MLLT10: variants seen among roughly 807,000 people sequenced by gnomAD.
The protein encoded by MLLT10 is MLLT10 histone lysine methyltransferase DOT1L cofactor.
Under a neutral mutation model 129.1 loss-of-function variants are expected in MLLT10, and 30 were observed. The ratio of observed to expected loss-of-function variants is 0.23; its 90% CI spans 0.17 to 0.32. MLLT10 has a LOEUF of 0.32. Ranked by LOEUF, MLLT10 falls within the 10% of genes least tolerant of loss-of-function variation. The pLI is 1.00. For missense variants in MLLT10, 1,119 were observed against 1,268.3 expected (o/e 0.88, Z 1.79); for synonymous variants, 490 against 446.4 (o/e 1.10, Z -1.23).
chr10:21,605,478 C>T (rs1246071445), intron 5 of MLLT10, among the ~76,000 whole-genome samples: 4 of 152,028 alleles, frequency 2.6e-5, no homozygotes, highest in Non-Finnish European at 5.9e-5. Context: ...TAGGGTCTTG[C>T]TCTGTCACCC....
chr10:21,634,454 G>T (rs577920944), intron 8 of MLLT10, among the ~76,000 whole-genome samples: 1 of 152,292 alleles, frequency 6.6e-6, no homozygotes, highest in East Asian at 1.9e-4. Context: ...CCCATCATCC[G>T]TGATACTAAA....
In MLLT10 at chr10:21,556,952, G is replaced by A. The variant is rs114159623; in HGVS notation, c.240+18040G>A. On this transcript the variant is annotated intron_variant, in intron 3 of 22. Transcript: ENST00000307729. ...GAAGGAGAGGTGGTAGTGTTTAAGT[G>A]GAATTAACTACTTGTGTTTCTGATG... The A allele has an allele frequency of 6.0e-4, 924 of 1,540,050 alleles. 7 individuals are homozygous for A. The African/African-American group carries it at 0.011, about 18-fold the overall frequency.
At chr10:21,712,495 G>A (rs2056197793) in intron 13 of MLLT10, among the ~76,000 whole-genome samples, 1 of 152,158 alleles carries the variant, frequency 6.6e-6, no homozygotes, top group Non-Finnish European at 1.5e-5. Context: ...TTGTCCTCTA[G>A]GGCTACAGTT....
At chr10:21,624,529 A>G (rs1406763274) in intron 8 of MLLT10, 4 of 1,043,218 alleles carry the variant, frequency 3.8e-6, no homozygotes, top group Non-Finnish European at 5.3e-6. Flanking sequence ...ATTTTTTTTG[A>G]AGAATGTAGA....
At chr10:21,590,853 A>G (rs774368376) in intron 4 of MLLT10, among the ~76,000 whole-genome samples, 3 of 151,672 alleles carry the variant, frequency 2.0e-5, no homozygotes, top group African/African-American at 4.8e-5. Context: ...CCTGTTTTCT[A>G]TTTTGTTAAA....
Position 21,543,488 on chromosome 10 carries a change from T to C in MLLT10, c.240+4576T>C, listed in dbSNP as rs149203633. ...TTATATTTAAAAATATATATTATGT[T>C]TTTTTGGAGACAGAGTTTAATTCTT... On this transcript the variant is annotated intron_variant, in intron 3 of 22. Coordinates refer to ENST00000307729, the MANE Select transcript of MLLT10 (RefSeq NM_001195626.3). 4.5e-4 allele frequency among the ~76,000 whole-genome samples: 68 copies of C among 152,050 alleles called. 2 individuals are homozygous for C. The highest frequency in any genetic ancestry group is 1.6e-3 in the African/African-American group (65 of 41,450).
At chr10:21,701,993 C>T (rs1220097118) in intron 13 of MLLT10, among the ~76,000 whole-genome samples, 1 of 151,934 alleles carries the variant, frequency 6.6e-6, no homozygotes, top group Non-Finnish European at 1.5e-5. Context: ...GTGGCTTGAT[C>T]TCAGCTCATG....
intron 3 of MLLT10, among the ~76,000 whole-genome samples, chr10:21,578,176 T>G (rs1322758740): frequency 6.6e-6 from 1 of 152,248 alleles, no homozygotes; most frequent in Non-Finnish European, 1.5e-5. Context: ...ATTACAGGCG[T>G]GAGCCACTGC....
chr10:21,734,998 A>G (rs998946449), intron 20 of MLLT10, 141 bp from the exon 21 acceptor site: 128 of 625,120 alleles, frequency 2.0e-4, no homozygotes, highest in Non-Finnish European at 3.1e-4. Flanking sequence ...GAAATTGTAC[A>G]TAACTGTTTT....
intron 14 of MLLT10, among the ~76,000 whole-genome samples, chr10:21,717,192 G>A (rs1461262353): frequency 2.7e-5 from 4 of 149,000 alleles, no homozygotes; most frequent in Non-Finnish European, 5.9e-5. Flanking sequence ...GGCAGAGGTT[G>A]CGGTGAGCCA....
intron 2 of MLLT10, among the ~76,000 whole-genome samples, chr10:21,535,973 C>T (rs535973764): frequency 1.3e-5 from 2 of 152,346 alleles, no homozygotes; most frequent in South Asian, 2.1e-4. Flanking sequence ...GAGTCTTGCT[C>T]TGTCACCCAG....
intron 14 of MLLT10, among the ~76,000 whole-genome samples, chr10:21,714,392 C>T (rs2056373558): frequency 6.6e-6 from 1 of 152,038 alleles, no homozygotes; most frequent in African/African-American, 2.4e-5. Context: ...ACCGAATGAC[C>T]GCTTCAAGCA....
intron 11 of MLLT10, among the ~76,000 whole-genome samples, chr10:21,680,093 T>G (rs1469409641): frequency 6.6e-6 from 1 of 152,180 alleles, no homozygotes; most frequent in Non-Finnish European, 1.5e-5. Flanking sequence ...CAGATTTTGC[T>G]TTTATTAGTG....
intron 9 of MLLT10, among the ~76,000 whole-genome samples, chr10:21,667,859 G>GT: frequency 6.6e-6 from 1 of 151,926 alleles, no homozygotes; most frequent in Non-Finnish European, 1.5e-5. Context: ...AATAATTTTT[G>GT]TTTCCACTTA....
At chr10:21,539,706 T>C (rs147089553) in intron 3 of MLLT10, among the ~76,000 whole-genome samples, 2,863 of 151,728 alleles carry the variant, frequency 0.019, 83 homozygotes, top group African/African-American at 0.065. Flanking sequence ...GAGGTAGAGG[T>C]TGCAGTGAGC....
intron 9 of MLLT10, 42 bp from the exon 10 acceptor site, chr10:21,670,407 T>C: frequency 6.4e-7 from 1 of 1,551,144 alleles, no homozygotes; most frequent in Non-Finnish European, 8.7e-7. Context: ...AACTAAAATG[T>C]AATCAACTCT....
At chr10:21,704,915 G>A (rs975082754) in intron 13 of MLLT10, among the ~76,000 whole-genome samples, 1 of 152,116 alleles carries the variant, frequency 6.6e-6, no homozygotes, top group Non-Finnish European at 1.5e-5. Context: ...GGACTAGGAT[G>A]CCAAGTAGAC....
intron 5 of MLLT10, among the ~76,000 whole-genome samples, chr10:21,606,377 C>G (rs1712623984): frequency 1.3e-5 from 2 of 152,214 alleles, no homozygotes; most frequent in Admixed American, 6.5e-5. Flanking sequence ...ACATAGAAGT[C>G]TGATTTAAGA....
intron 3 of MLLT10, among the ~76,000 whole-genome samples, chr10:21,573,287 A>C (rs936418574): frequency 6.6e-6 from 1 of 152,186 alleles, no homozygotes; most frequent in Non-Finnish European, 1.5e-5. Context: ...AGTTTATCAG[A>C]TTGCTTTCAA....
Sources: allele counts gnomAD v4.1 joint callset (sites outside exome capture counted in the v4.1 genomes callset), GRCh38; gene constraint gnomAD v4.1.1; transcripts MANE v1.5; gene names NCBI Gene and HGNC (gene_info 2026-07-23, HGNC 2026-07-21).